The following RAD51B variants were observed in gnomAD, a reference collection of about 807,000 sequenced individuals.
The protein encoded by RAD51B is RAD51 paralog B, also known as DNA repair protein RAD51 homolog 2.
Under a neutral mutation model 42.2 loss-of-function variants are expected in RAD51B, and 38 were observed. The observed-to-expected ratio is 0.90, with a 90% CI of 0.70 to 1.18. The LOEUF is 1.18. RAD51B is among the 50% of genes most tolerant of loss of function. The pLI, the probability that RAD51B is intolerant of heterozygous loss-of-function variation, is 0.00. For missense variants in RAD51B, 373 were observed against 400.7 expected (o/e 0.93, Z 0.59); for synonymous variants, 154 against 145.2 (o/e 1.06, Z -0.43).
At chr14:68,353,352 G>A (rs1330533498) in intron 8 of RAD51B, among the ~76,000 whole-genome samples, 1 of 152,228 alleles carries the variant, frequency 6.6e-6, no homozygotes, top group East Asian at 1.9e-4. Context: ...CTGCATTTTA[G>A]CGAGAGGATA....
chr14:68,043,827 C>T (rs1046716348), intron 7 of RAD51B, among the ~76,000 whole-genome samples: 1 of 152,138 alleles, frequency 6.6e-6, no homozygotes, highest in Non-Finnish European at 1.5e-5. Flanking sequence ...GTTTGAAAGC[C>T]AAATTGCCAA....
intron 7 of RAD51B, among the ~76,000 whole-genome samples, chr14:68,246,474 G>T (rs1046714916): frequency 6.6e-6 from 1 of 152,164 alleles, no homozygotes; most frequent in African/African-American, 2.4e-5. Context: ...AAAGGAGAGA[G>T]AATCTGGGAC....
intron 3 of RAD51B, among the ~76,000 whole-genome samples, chr14:67,829,293 A>C (rs947186905): frequency 1.3e-5 from 2 of 150,302 alleles, no homozygotes; most frequent in African/African-American, 4.9e-5. Context: ...CCGAGGCTGG[A>C]GTGCAGTGGC....
intron 7 of RAD51B, chr14:68,113,959 T>C (rs892085217): frequency 6.6e-5 from 10 of 152,160 alleles, no homozygotes; most frequent in African/African-American, 2.2e-4. Flanking sequence ...ATGAATCTTC[T>C]GATGAGTAGG....
intron 8 of RAD51B, among the ~76,000 whole-genome samples, chr14:68,300,025 A>G (rs2081694260): frequency 6.6e-6 from 1 of 152,160 alleles, no homozygotes; most frequent in African/African-American, 2.4e-5. Flanking sequence ...TCCTTTCAGC[A>G]GGGTCCATTG....
At chr14:68,346,528 G>T (rs2082681366) in intron 8 of RAD51B, among the ~76,000 whole-genome samples, 1 of 152,110 alleles carries the variant, frequency 6.6e-6, no homozygotes. Context: ...CTACATCCAG[G>T]GTCTAAATTC....
At chr14:68,331,899 T>G (rs553671510) in intron 8 of RAD51B, among the ~76,000 whole-genome samples, 24 of 151,708 alleles carry the variant, frequency 1.6e-4, no homozygotes, top group Non-Finnish European at 2.5e-4. Flanking sequence ...ATTGGGGGGG[T>G]TTGCTGAATA....
chr14:68,648,175 G>GTATATATATATATACACACA (rs1174124522), intron 10 of RAD51B, among the ~76,000 whole-genome samples: 1 of 132,502 alleles, frequency 7.5e-6, no homozygotes, highest in African/African-American at 2.8e-5. Flanking sequence ...ATATACACAC[G>GTATATATATATATACACACA]TATATATATA....
Position 68,284,641 on chromosome 14 carries a change from G to T in RAD51B, c.757-7243G>T, listed in dbSNP as rs569606526. 8.7e-4 allele frequency among the ~76,000 whole-genome samples: 132 copies of T among 152,300 alleles called. 2 individuals carry two copies. In the South Asian group the frequency reaches 0.026, roughly 30 times the overall value. ...CAGAATTTCCCAGAAAACAATTGTTGTGCAGTCCTTCAAGATGGAAATGGC... is the reference window on the plus strand; with the variant it reads ...CAGAATTTCCCAGAAAACAATTGTTTTGCAGTCCTTCAAGATGGAAATGGC... On this transcript the variant is annotated intron_variant, in intron 7 of 10. Transcript: ENST00000471583.
chr14:67,984,790 C>T (rs1454364295), intron 7 of RAD51B, among the ~76,000 whole-genome samples: 2 of 152,204 alleles, frequency 1.3e-5, no homozygotes, highest in Non-Finnish European at 2.9e-5. Flanking sequence ...TGGTACTCCA[C>T]TCTGATGGAC....
intron 7 of RAD51B, among the ~76,000 whole-genome samples, chr14:68,196,396 T>C (rs1595537751): frequency 6.6e-6 from 1 of 152,102 alleles, no homozygotes; most frequent in African/African-American, 2.4e-5. Flanking sequence ...GAATTCAACG[T>C]AGAAATCATT....
At chr14:68,092,511 G>C (rs1177619430) in intron 7 of RAD51B, among the ~76,000 whole-genome samples, 1 of 152,086 alleles carries the variant, frequency 6.6e-6, no homozygotes, top group African/African-American at 2.4e-5. Context: ...GTCCGTTATT[G>C]GTGTATAAGA....
intron 7 of RAD51B, among the ~76,000 whole-genome samples, chr14:67,937,256 G>A (rs930837639): frequency 6.6e-6 from 1 of 152,134 alleles, no homozygotes; most frequent in African/African-American, 2.4e-5. Context: ...GAAACATAAT[G>A]TCCTACAGCA....
chr14:68,164,085 T>C (rs752321878), intron 7 of RAD51B, among the ~76,000 whole-genome samples: 6 of 152,184 alleles, frequency 3.9e-5, no homozygotes, highest in Non-Finnish European at 8.8e-5. Flanking sequence ...GGGCTTGGTA[T>C]TCCCAATTTT....
chr14:68,184,624 C>G (rs1536457), intron 7 of RAD51B, among the ~76,000 whole-genome samples: 1 of 129,582 alleles, frequency 7.7e-6, no homozygotes, highest in Non-Finnish European at 1.6e-5. Context: ...AAAAAAAAAA[C>G]CAAAAAAAAA....
At chr14:67,942,791 G>A (rs976892990) in intron 7 of RAD51B, among the ~76,000 whole-genome samples, 4 of 152,134 alleles carry the variant, frequency 2.6e-5, no homozygotes, top group Non-Finnish European at 5.9e-5. Context: ...ACTATTATGG[G>A]AATAGTTGCA....
At position 67,988,438 on chromosome 14, in the gene RAD51B, A is replaced by C. The variant is rs1412483942; in HGVS notation, c.756+101234A>C. 7.4e-4 allele frequency among the ~76,000 whole-genome samples: 112 copies of C among 152,172 alleles called. 1 individual carries two copies. Among genetic ancestry groups the C allele is most frequent in the Admixed American group, 7.3e-3 (112 of 15,266 alleles). On this transcript the variant is annotated intron_variant, in intron 7 of 10. Coordinates refer to ENST00000471583, the MANE Select transcript of RAD51B (RefSeq NM_133510.4). ...TGCACCACTGCACTGCAGCCTAGGC[A>C]ACAGAACAACACTCCATCTCAAAAA...
At position 68,082,025 on chromosome 14, in the gene RAD51B, ATCTCGGC is replaced by A. The variant is rs2076919880; in HGVS notation, c.756+194824_756+194830del. 2.0e-5 allele frequency among the ~76,000 whole-genome samples: 3 copies of A among 151,556 alleles called. No individual in the cohort carries two copies. The East Asian group carries it at 5.8e-4, about 29-fold the overall frequency. ...GCCCAGGCTGGAGTGCAGTGGTGCG[ATCTCGGC>A]TCACTGCAACCTCCACCTTCTGGAT... On this transcript the variant is annotated intron_variant, in intron 7 of 10. Coordinates refer to ENST00000471583, the MANE Select transcript of RAD51B (RefSeq NM_133510.4).
intron 7 of RAD51B, among the ~76,000 whole-genome samples, chr14:68,031,317 C>T (rs772376394): frequency 7.9e-5 from 12 of 152,150 alleles, no homozygotes; most frequent in Non-Finnish European, 1.8e-4. Context: ...AGAAACCACC[C>T]TCATGATTCA....
Sources: allele counts gnomAD v4.1 joint callset (sites outside exome capture counted in the v4.1 genomes callset), GRCh38; gene constraint gnomAD v4.1.1; transcripts MANE v1.5; gene names NCBI Gene and HGNC (gene_info 2026-07-23, HGNC 2026-07-21).